PCSK5: variants seen among roughly 807,000 people sequenced by gnomAD.
PCSK5 encodes prohormone convertase 5.
In PCSK5, 129 loss-of-function variants were observed where a neutral mutation model predicts 233.2. That is an observed-to-expected ratio of 0.55 (90% CI 0.48 to 0.64). PCSK5 has a LOEUF of 0.64. Among genes scored for constraint, PCSK5 ranks in the 30% least tolerant of loss-of-function variants. The probability of loss-of-function intolerance (pLI) is 0.00; values close to 1 mark genes in which losing one functional copy is unlikely to be tolerated. For synonymous variants in PCSK5, 825 were observed against 879.2 expected, an observed-to-expected ratio of 0.94 and a Z score of 1.09; for missense variants, 2,076 against 2,430.1, an observed-to-expected ratio of 0.85 and a Z score of 3.06.
chr9:76,349,583 A>G (rs1366409901), intron 35 of PCSK5, among the ~76,000 whole-genome samples: 2 of 152,232 alleles, frequency 1.3e-5, no homozygotes, highest in African/African-American at 4.8e-5. Context: ...TTCAGCCATG[A>G]AACGTCAATT....
chr9:76,344,966 AAAC>A (rs1328014320), intron 35 of PCSK5, among the ~76,000 whole-genome samples: 2 of 152,170 alleles, frequency 1.3e-5, no homozygotes, highest in Non-Finnish European at 2.9e-5. Flanking sequence ...ACAGTTTGAA[AAAC>A]AACAAATTTT....
At chr9:76,022,769 T>TAA (rs1828252677) in intron 3 of PCSK5, among the ~76,000 whole-genome samples, 1 of 152,220 alleles carries the variant, frequency 6.6e-6, no homozygotes, top group Non-Finnish European at 1.5e-5. Context: ...TTTACAGCCT[T>TAA]CCCCTCGAAG....
chr9:75,921,173 T>C (rs4554552), intron 1 of PCSK5, among the ~76,000 whole-genome samples: 109,919 of 152,066 alleles, frequency 0.72, 41,032 homozygotes, highest in African/African-American at 0.85. Flanking sequence ...AGTTCTTCAC[T>C]TTGGCTGCAT....
At chr9:75,903,619 A>G (rs899107269) in intron 1 of PCSK5, among the ~76,000 whole-genome samples, 9 of 145,032 alleles carry the variant, frequency 6.2e-5, no homozygotes, top group Non-Finnish European at 1.2e-4. Flanking sequence ...TATTATATAT[A>G]TATATAAAAT....
chr9:76,300,589 C>T (rs1828569903), intron 27 of PCSK5, among the ~76,000 whole-genome samples: 1 of 152,196 alleles, frequency 6.6e-6, no homozygotes, highest in African/African-American at 2.4e-5. Flanking sequence ...CTTACCAGCA[C>T]ACCATTATTT....
At chr9:75,939,056 A>G (rs1035516137) in intron 2 of PCSK5, among the ~76,000 whole-genome samples, 2 of 152,080 alleles carry the variant, frequency 1.3e-5, no homozygotes, top group Non-Finnish European at 2.9e-5. Flanking sequence ...CCCTCCTTTT[A>G]TTCTTTACTT....
Position 76,009,636 on chromosome 9 carries a change from A to C in PCSK5, c.412-14102A>C, listed in dbSNP as rs1002035046. ...GCGAGACTCCGTCTCAAGGAAAAAA[A>C]AAAAAACAAAAAAGAAAAATCCTAT... On this transcript the variant is annotated intron_variant, in intron 3 of 37. Transcript: ENST00000674117. Among the ~76,000 whole-genome samples the C allele has an allele frequency of 7.2e-5, 11 of 151,968 alleles. No homozygotes were observed. In the East Asian group the frequency reaches 7.7e-4, roughly 11 times the overall value.
chr9:76,289,513 A>AACAC (rs1828211833), intron 24 of PCSK5, among the ~76,000 whole-genome samples: 4 of 75,796 alleles, frequency 5.3e-5, no homozygotes, highest in African/African-American at 2.5e-4. Context: ...ACACACACGC[A>AACAC]ACATACACAC....
chr9:75,981,859 A>T (rs957057484), intron 2 of PCSK5, among the ~76,000 whole-genome samples: 10 of 152,310 alleles, frequency 6.6e-5, no homozygotes, highest in African/African-American at 2.4e-4. Flanking sequence ...CATTGGGCCC[A>T]GCCTTAGTCA....
intron 9 of PCSK5, among the ~76,000 whole-genome samples, chr9:76,118,750 A>G (rs1832525180): frequency 6.6e-6 from 1 of 151,990 alleles, no homozygotes; most frequent in South Asian, 2.1e-4. Flanking sequence ...TTTACAAAAC[A>G]TATATATAAA....
chr9:76,174,846 T>A (rs1302857314), intron 13 of PCSK5, 140 bp from the exon 14 acceptor site: 1 of 677,476 alleles, frequency 1.5e-6, no homozygotes, highest in African/African-American at 1.8e-5. Flanking sequence ...CATTTCTAGC[T>A]CTGCGTTTGA....
intron 10 of PCSK5, among the ~76,000 whole-genome samples, chr9:76,139,434 T>C (rs1339120132): frequency 6.6e-6 from 1 of 152,098 alleles, no homozygotes; most frequent in African/African-American, 2.4e-5. Context: ...ATTGGTAATG[T>C]GTACATTGTG....
chr9:75,928,444 T>A lies in PCSK5; in HGVS notation c.193-3935T>A, dbSNP rs55639645. ...TACACTGCCTTTCTTTTGAATAACT[T>A]CCAACATGTTGTGACATTTTTCTTC... On this transcript the variant is annotated intron_variant, in intron 1 of 37. Transcript: ENST00000674117. Among the ~76,000 whole-genome samples the A allele has an allele frequency of 1.0e-2, 1,512 of 151,872 alleles. 28 individuals are homozygous for A. The highest frequency in any genetic ancestry group is 0.034 in the African/African-American group (1,405 of 41,448).
At chr9:76,106,172 T>C (rs145360760) in intron 8 of PCSK5, among the ~76,000 whole-genome samples, 74 of 152,338 alleles carry the variant, frequency 4.9e-4, no homozygotes, top group African/African-American at 1.7e-3. Flanking sequence ...CTGTAATATA[T>C]GGTAATATAC....
At chr9:76,130,664 G>A (rs1286168805) in intron 9 of PCSK5, among the ~76,000 whole-genome samples, 1 of 147,774 alleles carries the variant, frequency 6.8e-6, no homozygotes, top group East Asian at 2.0e-4. Context: ...AACTATAAAT[G>A]ATTACATATA....
rs932448530 is a variant in PCSK5 at position 76,296,849 on chromosome 9, G to C, written c.3507G>C (p.Glu1169Asp). 24 of 1,609,528 alleles carry C rather than the reference G, an allele frequency of 1.5e-5. No individual in the cohort carries two copies. The highest frequency in any genetic ancestry group is 2.0e-5 in the Non-Finnish European group (24 of 1,178,976). The change falls in exon 27 of 38, where the codon GAG (glutamate) becomes GAC (aspartate). Residue 1169 changes from glutamate (E) to aspartate (D), a missense_variant. Transcript: ENST00000674117. ...TGCATGCCACCAAGACCCAGGAGGAGGGCAAATTCTGGAATGGTATGTGCC... is the reference window on the plus strand; with the variant it reads ...TGCATGCCACCAAGACCCAGGAGGACGGCAAATTCTGGAATGGTATGTGCC... ...MCVHATKTQE[E>D]GKFWNEAVST...
rs371281437 is a variant in PCSK5 at position 75,952,681 on chromosome 9, A to G, written c.297+20198A>G. On this transcript the variant is annotated intron_variant, in intron 2 of 37. Transcript: ENST00000674117. Reference sequence around the variant, plus strand: ...CTGCTTTCCGGACCTGTAGTTTTACATTTTCTAGAATGGCATAAAAAAATG... The same window carrying G: ...CTGCTTTCCGGACCTGTAGTTTTACGTTTTCTAGAATGGCATAAAAAAATG... 4.1e-4 allele frequency among the ~76,000 whole-genome samples: 62 copies of G among 152,164 alleles called. 1 individual carries two copies. The highest frequency in any genetic ancestry group is 1.4e-3 in the African/African-American group (57 of 41,534).
intron 13 of PCSK5, among the ~76,000 whole-genome samples, chr9:76,171,474 CTG>C (rs1823327031): frequency 6.6e-6 from 1 of 152,200 alleles, no homozygotes; most frequent in South Asian, 2.1e-4. Flanking sequence ...AAACGTGACT[CTG>C]TTCTTTATTA....
intron 31 of PCSK5, 104 bp from the exon 32 acceptor site, chr9:76,322,947 AG>A: frequency 1.5e-6 from 1 of 663,298 alleles, no homozygotes; most frequent in Non-Finnish European, 2.7e-6. Context: ...GCATACTCTC[AG>A]GTCAAATCAA....
Sources: allele counts gnomAD v4.1 joint callset (sites outside exome capture counted in the v4.1 genomes callset), GRCh38; gene constraint gnomAD v4.1.1; transcripts MANE v1.5; gene names NCBI Gene and HGNC (gene_info 2026-07-23, HGNC 2026-07-21).